The following GABRB1 variants were observed in gnomAD, a reference collection of about 807,000 sequenced individuals.
GABRB1 encodes gamma-aminobutyric acid type A receptor subunit beta1, also known as gamma-aminobutyric acid receptor subunit beta-1.
GABRB1 carries 17 observed loss-of-function variants against 51.6 expected under a neutral mutation model. The ratio of observed to expected loss-of-function variants is 0.33; its 90% CI spans 0.23 to 0.49. GABRB1 has a LOEUF of 0.49. Ranked by LOEUF, GABRB1 falls within the 20% of genes least tolerant of loss-of-function variation. GABRB1 has a pLI of 0.99. For missense variants in GABRB1, 410 were observed against 600.6 expected, an observed-to-expected ratio of 0.68 and a Z score of 3.32; for synonymous variants, 247 against 218.9, an observed-to-expected ratio of 1.13 and a Z score of -1.14.
chr4:47,338,473 C>T (rs1024930857), intron 5 of GABRB1, among the ~76,000 whole-genome samples: 5 of 152,300 alleles, frequency 3.3e-5, no homozygotes, highest in Middle Eastern at 3.4e-3. Flanking sequence ...AGAAACCTTT[C>T]GTTGATATTT....
intron 3 of GABRB1, among the ~76,000 whole-genome samples, chr4:47,068,049 G>A (rs564586991): frequency 1.3e-5 from 2 of 152,296 alleles, no homozygotes; most frequent in South Asian, 4.1e-4. Flanking sequence ...TCTCTGAAAA[G>A]GAAATGTCAT....
intron 4 of GABRB1, among the ~76,000 whole-genome samples, chr4:47,258,190 T>C (rs1240310170): frequency 1.3e-5 from 2 of 152,294 alleles, no homozygotes; most frequent in African/African-American, 4.8e-5. Flanking sequence ...TATACAGTTA[T>C]ATGTAACTAA....
At chr4:47,102,268 G>C (rs1260480430) in intron 3 of GABRB1, among the ~76,000 whole-genome samples, 1 of 151,910 alleles carries the variant, frequency 6.6e-6, no homozygotes, top group Non-Finnish European at 1.5e-5. Context: ...GCTTTCATTA[G>C]GTGTTATTCA....
intron 3 of GABRB1, among the ~76,000 whole-genome samples, chr4:47,059,870 A>G (rs560293617): frequency 2.0e-5 from 3 of 152,316 alleles, no homozygotes; most frequent in African/African-American, 7.2e-5. Flanking sequence ...CTTGCTGGTC[A>G]TTTCCAATTG....
intron 4 of GABRB1, among the ~76,000 whole-genome samples, chr4:47,247,450 G>A (rs563973068): frequency 6.6e-6 from 1 of 152,142 alleles, no homozygotes. Flanking sequence ...AAATCAGGTA[G>A]TGTGATGCCT....
intron 4 of GABRB1, among the ~76,000 whole-genome samples, chr4:47,235,479 T>C (rs1721294713): frequency 6.7e-6 from 1 of 149,546 alleles, no homozygotes; most frequent in Non-Finnish European, 1.5e-5. Context: ...AACCAGGGAG[T>C]CAGACGTTGC....
chr4:47,338,755 A>G (rs1308395101), intron 5 of GABRB1, among the ~76,000 whole-genome samples: 1 of 152,186 alleles, frequency 6.6e-6, no homozygotes. Flanking sequence ...AGGTGATGTG[A>G]TAAGGAATTT....
intron 4 of GABRB1, among the ~76,000 whole-genome samples, chr4:47,296,335 C>G (rs929802571): frequency 2.0e-5 from 3 of 152,106 alleles, no homozygotes; most frequent in Non-Finnish European, 4.4e-5. Context: ...AGAGTCAAGA[C>G]CCATCAGTGT....
At chr4:47,185,469 A>T (rs1714020703) in intron 4 of GABRB1, among the ~76,000 whole-genome samples, 1 of 151,850 alleles carries the variant, frequency 6.6e-6, no homozygotes, top group South Asian at 2.1e-4. Context: ...ACATGCAGTA[A>T]TGAATTTAGT....
intron 4 of GABRB1, among the ~76,000 whole-genome samples, chr4:47,266,299 A>G (rs544466200): frequency 6.6e-6 from 1 of 152,136 alleles, no homozygotes; most frequent in South Asian, 2.1e-4. Flanking sequence ...ATTTTATAGC[A>G]GTACCATGTT....
intron 1 of GABRB1, among the ~76,000 whole-genome samples, chr4:47,016,585 T>C (rs549491627): frequency 2.3e-4 from 35 of 151,794 alleles, no homozygotes; most frequent in Admixed American, 3.3e-4. Flanking sequence ...ATTTATTTAT[T>C]TATCTATCTA....
At chr4:47,110,979 C>CA (rs1469289979) in intron 3 of GABRB1, among the ~76,000 whole-genome samples, 8 of 151,854 alleles carry the variant, frequency 5.3e-5, no homozygotes, top group East Asian at 3.9e-4. Flanking sequence ...ATAAGGTTTA[C>CA]AAAAAAGGAT....
At position 47,120,707 on chromosome 4, in the gene GABRB1, G is replaced by T. The variant is rs184931455; in HGVS notation, c.241-40542G>T. Among the ~76,000 whole-genome samples the T allele has an allele frequency of 5.5e-4, 83 of 152,222 alleles. No homozygotes were observed. In the East Asian group the frequency reaches 0.013, roughly 24 times the overall value. ...TCAACAGTTGATAAATCATGCCAGG[G>T]CTAGGTCCTTCCTCTCAAGGCAGCA... On this transcript the variant is annotated intron_variant, in intron 3 of 8. Coordinates refer to ENST00000295454, the MANE Select transcript of GABRB1 (RefSeq NM_000812.4).
At chr4:47,204,270 CTGTATT>C in intron 4 of GABRB1, among the ~76,000 whole-genome samples, 1 of 152,088 alleles carries the variant, frequency 6.6e-6, no homozygotes, top group East Asian at 1.9e-4. Flanking sequence ...ATTTCTCTGT[CTGTATT>C]TGAAGATCGA....
chr4:47,065,163 G>A (rs370134051), intron 3 of GABRB1, among the ~76,000 whole-genome samples: 5 of 152,236 alleles, frequency 3.3e-5, no homozygotes, highest in East Asian at 3.9e-4. Context: ...AAAAACTGGC[G>A]ACATTTTAAA....
At chr4:47,245,610 T>C (rs993190536) in intron 4 of GABRB1, among the ~76,000 whole-genome samples, 2 of 152,014 alleles carry the variant, frequency 1.3e-5, no homozygotes, top group Non-Finnish European at 2.9e-5. Context: ...ATGGCACTGC[T>C]CCATGAAACC....
At chr4:47,210,204 T>C (rs1720301154) in intron 4 of GABRB1, among the ~76,000 whole-genome samples, 1 of 152,106 alleles carries the variant, frequency 6.6e-6, no homozygotes, top group Non-Finnish European at 1.5e-5. Flanking sequence ...TGAGAAATAA[T>C]ATATATTAAA....
At chr4:47,054,461 A>G (rs1560513478) in intron 3 of GABRB1, among the ~76,000 whole-genome samples, 4 of 152,218 alleles carry the variant, frequency 2.6e-5, no homozygotes, top group African/African-American at 9.6e-5. Context: ...CATGAATAGC[A>G]GCAGGTGTTG....
intron 5 of GABRB1, among the ~76,000 whole-genome samples, chr4:47,352,730 G>A (rs1407451848): frequency 2.6e-5 from 4 of 151,984 alleles, no homozygotes; most frequent in Admixed American, 6.6e-5. Context: ...TGCCTGATTG[G>A]CATTTCAACA....
Sources: allele counts gnomAD v4.1 joint callset (sites outside exome capture counted in the v4.1 genomes callset), GRCh38; gene constraint gnomAD v4.1.1; transcripts MANE v1.5; gene names NCBI Gene and HGNC (gene_info 2026-07-23, HGNC 2026-07-21).